ZBTB49: variants seen among roughly 807,000 people sequenced by gnomAD.
ZBTB49 encodes the protein zinc finger and BTB domain-containing protein 49.
ZBTB49 carries 43 observed loss-of-function variants against 57.5 expected under a neutral mutation model. The observed-to-expected ratio is 0.75, with a 90% CI of 0.59 to 0.97. The LOEUF is 0.97. ZBTB49 is among the 50% of genes least tolerant of loss of function. ZBTB49 has a pLI of 0.00. For missense variants in ZBTB49, 938 were observed against 947.7 expected (o/e 0.99, Z 0.13); for synonymous variants, 369 against 362.1 (o/e 1.02, Z -0.22).
chr4:4,309,269 A>G (rs1304572838), intron 4 of ZBTB49, among the ~76,000 whole-genome samples: 6 of 152,324 alleles, frequency 3.9e-5, no homozygotes, highest in South Asian at 2.1e-4. Flanking sequence ...CAGAAGCTGC[A>G]TCTGTCCGTG....
chr4:4,318,236 A>C (rs921988301), intron 7 of ZBTB49, among the ~76,000 whole-genome samples: 1 of 152,206 alleles, frequency 6.6e-6, no homozygotes, highest in African/African-American at 2.4e-5. Context: ...AAAATTTTAC[A>C]TATTAAGGAT....
At chr4:4,309,269 A>T (rs1304572838) in intron 4 of ZBTB49, among the ~76,000 whole-genome samples, 1 of 152,206 alleles carries the variant, frequency 6.6e-6, no homozygotes, top group Non-Finnish European at 1.5e-5. Flanking sequence ...CAGAAGCTGC[A>T]TCTGTCCGTG....
In ZBTB49 at chr4:4,302,595, G is replaced by C; in HGVS notation, c.759G>C (p.Glu253Asp). 6.2e-7 allele frequency: 1 copy of C among 1,613,930 alleles called. No homozygotes were observed. The highest frequency in any genetic ancestry group is 8.5e-7 in the Non-Finnish European group (1 of 1,179,932). ...CCTCTACAGACCTTACCACGGTAGA[G>C]AGCCAGCCTTGTGCCGTCAGTCATT... ...FSTSTDLTTV[E>D]SQPCAVSHSE... is the part of the protein sequence containing the mutation. The change falls in exon 3 of 8, where the codon GAG becomes GAC. Residue 253 changes from glutamate (E) to aspartate (D), a missense_variant. Coordinates refer to ENST00000337872, the MANE Select transcript of ZBTB49 (RefSeq NM_145291.4).
chr4:4,296,539 A>G (rs1577229959), intron 1 of ZBTB49, among the ~76,000 whole-genome samples: 1 of 152,066 alleles, frequency 6.6e-6, no homozygotes, highest in Non-Finnish European at 1.5e-5. Context: ...CTTGCCTTTC[A>G]CCTTCTGCCA....
At chr4:4,311,708 A>G (rs1238118516) in intron 4 of ZBTB49, among the ~76,000 whole-genome samples, 14 of 152,190 alleles carry the variant, frequency 9.2e-5, no homozygotes, top group Admixed American at 9.2e-4. Context: ...AAGTTCAGCA[A>G]ATGTATATTG....
In ZBTB49 at chr4:4,321,000, C is replaced by G; in HGVS notation, c.1982C>G (p.Pro661Arg). 1 of 1,614,204 alleles carries G rather than the reference C, an allele frequency of 6.2e-7. No homozygotes were observed. Among genetic ancestry groups the G allele is most frequent in the Non-Finnish European group, 8.5e-7 (1 of 1,180,040 alleles). ...SYCKLRSMIQ[P>R]HGVSDQEKLS... ...TGTAAGTTACGGTCCATGATCCAACCTCATGGAGTTAGTGACCAGGAGAAG... is the reference window on the plus strand; with the variant it reads ...TGTAAGTTACGGTCCATGATCCAACGTCATGGAGTTAGTGACCAGGAGAAG... The change falls in exon 8 of 8, where the codon CCT (proline) becomes CGT (arginine). Residue 661 changes from proline (P) to arginine (R), a missense_variant. Physicochemically the swap from Pro to Arg is moderately radical, Grantham distance 103. This residue lies in a region of ZBTB49 where 835 missense variants were observed against 819.1 expected (regional missense o/e 1.02). Transcript: ENST00000337872.
chr4:4,313,188 C>A, intron 5 of ZBTB49, 74 bp downstream of exon 5: 1 of 1,566,476 alleles, frequency 6.4e-7, no homozygotes, highest in South Asian at 1.2e-5. Flanking sequence ...TCAGTGTCTT[C>A]TGAAGTGGTG....
At chr4:4,312,320 G>C (rs1721010150) in intron 4 of ZBTB49, among the ~76,000 whole-genome samples, 1 of 152,170 alleles carries the variant, frequency 6.6e-6, no homozygotes, top group African/African-American at 2.4e-5. Context: ...TGAGGCATTT[G>C]CAGTTTTAAT....
intron 7 of ZBTB49, among the ~76,000 whole-genome samples, chr4:4,318,277 A>G (rs940564320): frequency 5.3e-5 from 8 of 152,254 alleles, no homozygotes; most frequent in African/African-American, 1.9e-4. Flanking sequence ...CTTGTTCAGT[A>G]ATTCAACTAT....
chr4:4,320,836 C>T lies in ZBTB49; in HGVS notation c.1818C>T (p.Ser606=), dbSNP rs750710964. The stretch of plus-strand genomic sequence containing the variant: ...AGCTCAGCCAAGCCATCGAGACCTC[C>T]GACCTCGAGAAATCTCAGAGCTCAG... ...LEELSQAIET[S]DLEKSQSSDS... is the part of the protein sequence containing the mutation. The change falls in exon 8 of 8, where the codon TCC becomes TCT. Residue 606 remains serine, a synonymous_variant. Transcript: ENST00000337872. 8 of 1,614,072 alleles carry T rather than the reference C, an allele frequency of 5.0e-6. No homozygotes were observed. Among genetic ancestry groups the T allele is most frequent in the Middle Eastern group, 1.6e-4 (1 of 6,084 alleles).
At chr4:4,312,047 TAAAA>T (rs1183172162) in intron 4 of ZBTB49, among the ~76,000 whole-genome samples, 1 of 152,182 alleles carries the variant, frequency 6.6e-6, no homozygotes. Flanking sequence ...ATTTGCAAAT[TAAAA>T]AAAGCCCCGT....
At chr4:4,291,818 C>G (rs1260591964) in intron 1 of ZBTB49, among the ~76,000 whole-genome samples, 1 of 152,198 alleles carries the variant, frequency 6.6e-6, no homozygotes, top group African/African-American at 2.4e-5. Context: ...AAATTAATTT[C>G]TGCTTCCTCC....
rs74817570 is a variant in ZBTB49 at position 4,306,201 on chromosome 4, T to G, written c.1302+17T>G. 18 of 1,606,876 alleles carry G rather than the reference T, an allele frequency of 1.1e-5. No individual in the cohort carries two copies. The highest frequency in any genetic ancestry group is 1.4e-5 in the Non-Finnish European group (16 of 1,174,702). ...TTCTCTCAGGTGGGAATACTCTTATTTATTGTTAATAATTGGAAACCTGCA... is the reference window on the plus strand; with the variant it reads ...TTCTCTCAGGTGGGAATACTCTTATGTATTGTTAATAATTGGAAACCTGCA... On this transcript the variant is annotated intron_variant, in intron 4 of 7. Transcript: ENST00000337872.
chr4:4,310,610 C>T (rs2916447), intron 4 of ZBTB49, among the ~76,000 whole-genome samples: 60,183 of 149,828 alleles, frequency 0.4, 13,871 homozygotes, highest in Middle Eastern at 0.55. Flanking sequence ...CCTGGGTTCA[C>T]GCCATTCTCC....
At chr4:4,311,046 C>A (rs1424757928) in intron 4 of ZBTB49, among the ~76,000 whole-genome samples, 1 of 152,016 alleles carries the variant, frequency 6.6e-6, no homozygotes. Context: ...ATTTAATCTG[C>A]TTTTATATTA....
chr4:4,293,135 G>A (rs118161377), intron 1 of ZBTB49, among the ~76,000 whole-genome samples: 1 of 152,320 alleles, frequency 6.6e-6, no homozygotes, highest in East Asian at 1.9e-4. Flanking sequence ...CCAGAAATAT[G>A]TATTGAGTGC....
rs761234148 is a variant in ZBTB49 at position 4,315,789 on chromosome 4, A to G, written c.1460-20A>G. 1 of 1,613,938 alleles carries G rather than the reference A, an allele frequency of 6.2e-7. No individual in the cohort carries two copies. Among genetic ancestry groups the G allele is most frequent in the Non-Finnish European group, 8.5e-7 (1 of 1,179,870 alleles). On this transcript the variant is annotated intron_variant, in intron 6 of 7. Transcript: ENST00000337872. ...AATGTTCTCTGTCCTTCAGCTTAAC[A>G]CCTGTTATGGTCTCTCTAGGGTTTA...
At chr4:4,297,872 A>G (rs912619762) in intron 1 of ZBTB49, among the ~76,000 whole-genome samples, 1 of 152,032 alleles carries the variant, frequency 6.6e-6, no homozygotes, top group Non-Finnish European at 1.5e-5. Context: ...AAGTATTCTC[A>G]GGACAGAACC....
chr4:4,316,551 G>C (rs16835583), intron 7 of ZBTB49, among the ~76,000 whole-genome samples: 11,286 of 152,206 alleles, frequency 0.074, 1,028 homozygotes, highest in East Asian at 0.32. Context: ...CCTCTAAAGA[G>C]GGAGAGTGTG....
Sources: allele counts gnomAD v4.1 joint callset (sites outside exome capture counted in the v4.1 genomes callset), GRCh38; gene constraint gnomAD v4.1.1; regional missense constraint gnomAD v4.1.1; transcripts MANE v1.5; gene names NCBI Gene and HGNC (gene_info 2026-07-23, HGNC 2026-07-21).